NSMCE2: variants seen among roughly 807,000 people sequenced by gnomAD.
NSMCE2 encodes NSE2 SUMO ligase component of SMC5/6 complex.
Under a neutral mutation model 23.8 loss-of-function variants are expected in NSMCE2, and 24 were observed. The ratio of observed to expected loss-of-function variants is 1.01; its 90% confidence interval spans 0.73 to 1.42. The LOEUF (loss-of-function observed/expected upper bound fraction) is 1.42. Among genes scored for constraint, NSMCE2 ranks in the 40% most tolerant of loss-of-function variants. NSMCE2 has a pLI of 0.00. For missense variants in NSMCE2, 284 were observed against 296.5 expected, an observed-to-expected ratio of 0.96 and a Z score of 0.31; for synonymous variants, 92 against 94.1, an observed-to-expected ratio of 0.98 and a Z score of 0.13.
chr8:125,365,273 T>C (rs1484759752), intron 7 of NSMCE2, among the ~76,000 whole-genome samples: 1 of 152,212 alleles, frequency 6.6e-6, no homozygotes, highest in Non-Finnish European at 1.5e-5. Context: ...TCTACCCAGA[T>C]GAAGCTCGCT....
At chr8:125,255,858 A>G (rs552295368) in intron 5 of NSMCE2, among the ~76,000 whole-genome samples, 1 of 152,336 alleles carries the variant, frequency 6.6e-6, no homozygotes, top group Admixed American at 6.5e-5. Flanking sequence ...CATGAAGACC[A>G]GTCAGATGGC....
At chr8:125,215,776 A>G (rs989931749) in intron 5 of NSMCE2, among the ~76,000 whole-genome samples, 2 of 152,212 alleles carry the variant, frequency 1.3e-5, no homozygotes, top group Admixed American at 6.5e-5. Flanking sequence ...TCCCAGCACC[A>G]TTTATTAAAT....
At chr8:125,117,470 C>T (rs1173144416) in intron 3 of NSMCE2, among the ~76,000 whole-genome samples, 3 of 152,182 alleles carry the variant, frequency 2.0e-5, no homozygotes, top group Non-Finnish European at 2.9e-5. Context: ...CTCGATATCT[C>T]GATATCCTGA....
intron 5 of NSMCE2, among the ~76,000 whole-genome samples, chr8:125,216,486 A>T (rs1203636520): frequency 6.6e-6 from 1 of 152,074 alleles, no homozygotes; most frequent in Non-Finnish European, 1.5e-5. Flanking sequence ...CTAAAAATAC[A>T]AACTTAGCTG....
chr8:125,302,103 C>T (rs568011259), intron 5 of NSMCE2, among the ~76,000 whole-genome samples: 11 of 152,150 alleles, frequency 7.2e-5, no homozygotes, highest in African/African-American at 1.2e-4. Context: ...ATTACAGGTG[C>T]GTGGTACCAC....
chr8:125,201,998 C>T (rs752159552), intron 5 of NSMCE2, among the ~76,000 whole-genome samples: 6 of 152,340 alleles, frequency 3.9e-5, no homozygotes, highest in Admixed American at 1.3e-4. Flanking sequence ...AGCAAGGCTC[C>T]GTCGGCATGG....
At chr8:125,283,430 T>C (rs960491130) in intron 5 of NSMCE2, among the ~76,000 whole-genome samples, 2 of 152,090 alleles carry the variant, frequency 1.3e-5, no homozygotes, top group African/African-American at 4.8e-5. Context: ...TCCCAGCTAC[T>C]TGGGAGGCTG....
At chr8:125,254,653 T>C (rs774033634) in intron 5 of NSMCE2, among the ~76,000 whole-genome samples, 7 of 152,158 alleles carry the variant, frequency 4.6e-5, no homozygotes, top group Admixed American at 1.3e-4. Context: ...TTGTAAATTC[T>C]TCCCATTTCT....
chr8:125,140,033 C>T (rs1586498083), intron 3 of NSMCE2, among the ~76,000 whole-genome samples: 1 of 152,198 alleles, frequency 6.6e-6, no homozygotes, highest in African/African-American at 2.4e-5. Flanking sequence ...GGAATATTTG[C>T]ATGGGATTAC....
intron 5 of NSMCE2, among the ~76,000 whole-genome samples, chr8:125,251,521 A>G (rs1826196809): frequency 6.6e-6 from 1 of 152,246 alleles, no homozygotes; most frequent in Non-Finnish European, 1.5e-5. Flanking sequence ...GACTCAGTGA[A>G]TATGGGTAGA....
At chr8:125,261,745 T>TAAA (rs71295825) in intron 5 of NSMCE2, among the ~76,000 whole-genome samples, 3 of 133,718 alleles carry the variant, frequency 2.2e-5, no homozygotes, top group African/African-American at 8.3e-5. Flanking sequence ...TGTAAAGAAG[T>TAAA]AAAAAAAAAA....
chr8:125,252,477 G>T (rs962085698), intron 5 of NSMCE2, among the ~76,000 whole-genome samples: 7 of 152,156 alleles, frequency 4.6e-5, no homozygotes, highest in Non-Finnish European at 7.4e-5. Flanking sequence ...AGTGAGCTGA[G>T]ATCCCGCCAC....
At chr8:125,111,791 C>T (rs1308040009) in intron 3 of NSMCE2, among the ~76,000 whole-genome samples, 4 of 152,070 alleles carry the variant, frequency 2.6e-5, no homozygotes, top group Non-Finnish European at 4.4e-5. Flanking sequence ...TAGAGTGAGA[C>T]CGTGTCTCAA....
intron 3 of NSMCE2, among the ~76,000 whole-genome samples, chr8:125,108,138 C>T (rs1818559592): frequency 6.6e-6 from 1 of 152,180 alleles, no homozygotes; most frequent in South Asian, 2.1e-4. Context: ...CCACGGACCC[C>T]CTGAAATGGC....
intron 5 of NSMCE2, among the ~76,000 whole-genome samples, chr8:125,328,927 C>G (rs1829775367): frequency 6.6e-6 from 1 of 152,140 alleles, no homozygotes; most frequent in African/African-American, 2.4e-5. Flanking sequence ...GAACTCCTGG[C>G]CCCCAGTTCA....
At chr8:125,232,371 A>G (rs546370231) in intron 5 of NSMCE2, among the ~76,000 whole-genome samples, 15 of 152,242 alleles carry the variant, frequency 9.9e-5, no homozygotes, top group Admixed American at 3.3e-4. Context: ...CTCAAAAAAA[A>G]AAAGAAAGAA....
At chr8:125,337,817 C>T (rs932705700) in intron 5 of NSMCE2, among the ~76,000 whole-genome samples, 1 of 148,094 alleles carries the variant, frequency 6.8e-6, no homozygotes, top group Admixed American at 6.9e-5. Context: ...ATTGCTTGAA[C>T]CTGGGAGGTG....
intron 1 of NSMCE2, among the ~76,000 whole-genome samples, chr8:125,092,596 A>G (rs539187123): frequency 1.3e-5 from 2 of 152,354 alleles, no homozygotes; most frequent in East Asian, 1.9e-4. Context: ...AAGCAATTGT[A>G]TGAGAAGGAT....
In NSMCE2 at chr8:125,221,803, A is replaced by G. The variant is rs546853214; in HGVS notation, c.418+39547A>G. Among the ~76,000 whole-genome samples, 4 of 152,340 alleles carry G rather than the reference A, an allele frequency of 2.6e-5. No homozygotes were observed. The East Asian group carries it at 5.8e-4, about 22-fold the overall frequency. ...AAGTTTTGACTGCATTTTGACTGCAACTAGGTGTGGAATTTTCCACATGTG... is the reference window on the plus strand; with the variant it reads ...AAGTTTTGACTGCATTTTGACTGCAGCTAGGTGTGGAATTTTCCACATGTG... On this transcript the variant is annotated intron_variant, in intron 5 of 7. Transcript: ENST00000287437.
Sources: gnomAD v4.1 joint callset for allele counts (sites outside exome capture counted in the v4.1 genomes callset) on GRCh38, gnomAD v4.1.1 for gene constraint, MANE v1.5 for transcripts, NCBI Gene and HGNC (gene_info 2026-07-23, HGNC 2026-07-21) for gene names.